The following ZSWIM5 variants were observed in gnomAD, a reference collection of about 807,000 sequenced individuals.
The protein encoded by ZSWIM5 is zinc finger SWIM domain-containing protein 5.
In ZSWIM5, 55 loss-of-function variants were observed where a neutral mutation model predicts 119.6. That is an observed-to-expected ratio of 0.46 (90% CI 0.37 to 0.58). The LOEUF is 0.58. Among genes scored for constraint, ZSWIM5 ranks in the 20% least tolerant of loss-of-function variants. The pLI, the probability that ZSWIM5 is intolerant of heterozygous loss-of-function variation, is 0.00. For missense variants in ZSWIM5, 1,193 were observed against 1,512.8 expected (o/e 0.79, Z 3.51); for synonymous variants, 537 against 606.9 (o/e 0.88, Z 1.69).
intron 11 of ZSWIM5, among the ~76,000 whole-genome samples, chr1:45,024,790 G>A (rs2148987672): frequency 6.6e-6 from 1 of 152,170 alleles, no homozygotes; most frequent in Middle Eastern, 3.4e-3. Context: ...GAGTAGCTGG[G>A]ATTACAGATG....
chr1:45,205,121 T>C (rs545179437), intron 1 of ZSWIM5, among the ~76,000 whole-genome samples: 248 of 151,220 alleles, frequency 1.6e-3, no homozygotes, highest in Non-Finnish European at 2.7e-3. Context: ...CCAGATTGTA[T>C]GGCTTTTTTT....
chr1:45,132,607 AT>A (rs374434514), intron 1 of ZSWIM5, among the ~76,000 whole-genome samples: 3,124 of 151,748 alleles, frequency 0.021, 113 homozygotes, highest in African/African-American at 0.072. Flanking sequence ...CGGGAAAATA[AT>A]TTTTTTTCTT....
intron 1 of ZSWIM5, among the ~76,000 whole-genome samples, chr1:45,111,424 G>A (rs899872349): frequency 1.3e-5 from 2 of 151,986 alleles, no homozygotes; most frequent in Non-Finnish European, 2.9e-5. Flanking sequence ...GTGATGCAAC[G>A]GAATACACTG....
At chr1:45,152,301 C>T (rs189205267) in intron 1 of ZSWIM5, among the ~76,000 whole-genome samples, 7 of 152,238 alleles carry the variant, frequency 4.6e-5, no homozygotes, top group East Asian at 1.9e-4. Flanking sequence ...GAACCAGTTA[C>T]GCAAGTGCAA....
chr1:45,196,334 A>C (rs1001342962), intron 1 of ZSWIM5, among the ~76,000 whole-genome samples: 3 of 146,358 alleles, frequency 2.0e-5, no homozygotes, highest in Admixed American at 1.4e-4. Context: ...GTTTTTTTTT[A>C]ATCTCCCTAG....
chr1:45,176,762 G>A lies in ZSWIM5; in HGVS notation c.595+28994C>T, dbSNP rs1482251512. On this transcript the variant is annotated intron_variant, in intron 1 of 13. Transcript: ENST00000359600. The stretch of plus-strand genomic sequence containing the variant: ...ACCTACTGCTGCCACCCCCTGCTAT[G>A]CCCACTTCACCCCATCTGAACACTA... Among the ~76,000 whole-genome samples the A allele has an allele frequency of 2.0e-5, 3 of 151,962 alleles. No individual in the cohort carries two copies. In the East Asian group the frequency reaches 5.8e-4, roughly 29 times the overall value.
In ZSWIM5 at chr1:45,039,034, T is replaced by G; in HGVS notation, c.1796A>C (p.Glu599Ala). 1 of 1,614,112 alleles carries G rather than the reference T, an allele frequency of 6.2e-7. No individual in the cohort carries two copies. The highest frequency in any genetic ancestry group is 8.5e-7 in the Non-Finnish European group (1 of 1,179,998). Reference sequence around the variant, plus strand: ...ATCCAGGGGGTGGCCCACCCAGCCCTCCAGGTTTGTGATGGTTGTGGTTCC... The same window carrying G: ...ATCCAGGGGGTGGCCCACCCAGCCCGCCAGGTTTGTGATGGTTGTGGTTCC... ...QRGTTTITNL[E>A]GWVGHPLDPI... The change falls in exon 8 of 14, where the codon GAG (glutamate) becomes GCG (alanine). Residue 599 changes from glutamate (E) to alanine (A), a missense_variant. Around this residue, in one of 2 missense-constraint regions of ZSWIM5, gnomAD observed 961 missense variants for 1,290.0 expected, o/e 0.74. Coordinates refer to ENST00000359600, the MANE Select transcript of ZSWIM5 (RefSeq NM_020883.2).
intron 1 of ZSWIM5, among the ~76,000 whole-genome samples, chr1:45,202,265 A>G (rs2149057984): frequency 6.6e-6 from 1 of 152,236 alleles, no homozygotes; most frequent in African/African-American, 2.4e-5. Flanking sequence ...AAAACAAATT[A>G]CATATAAAAA....
At chr1:45,092,378 C>G (rs1645371163) in intron 1 of ZSWIM5, among the ~76,000 whole-genome samples, 1 of 152,044 alleles carries the variant, frequency 6.6e-6, no homozygotes. Flanking sequence ...CTCACTGCAA[C>G]CTCCACCCTC....
At chr1:45,085,609 C>G (rs1645322718) in intron 2 of ZSWIM5, among the ~76,000 whole-genome samples, 1 of 149,804 alleles carries the variant, frequency 6.7e-6, no homozygotes, top group Admixed American at 6.7e-5. Context: ...CACTGCTGCA[C>G]AGAAATTTCT....
chr1:45,161,334 G>A (rs1425799614), intron 1 of ZSWIM5, among the ~76,000 whole-genome samples: 6 of 152,062 alleles, frequency 3.9e-5, no homozygotes, highest in Non-Finnish European at 8.8e-5. Flanking sequence ...TCTCCATACT[G>A]TTTTCAATAG....
At position 45,031,124 on chromosome 1, in the gene ZSWIM5, T is replaced by C. The variant is rs1036056497; in HGVS notation, c.2449+3188A>G. Among the ~76,000 whole-genome samples the C allele has an allele frequency of 4.6e-5, 7 of 151,830 alleles. No individual in the cohort carries two copies. The East Asian group carries it at 1.4e-3, about 29-fold the overall frequency. ...TAATTGATCTTTTCAAAGAATCAGC[T>C]TTTGGTTTCATTGATTATTCTCTAT... On this transcript the variant is annotated intron_variant, in intron 11 of 13. Transcript: ENST00000359600.
intron 1 of ZSWIM5, among the ~76,000 whole-genome samples, chr1:45,187,224 AAGAC>A (rs1646064650): frequency 6.6e-6 from 1 of 152,196 alleles, no homozygotes; most frequent in Admixed American, 6.5e-5. Flanking sequence ...AAGAGTAATA[AAGAC>A]AATGTGATAC....
chr1:45,189,320 AAATAAT>A (rs578114661), intron 1 of ZSWIM5, among the ~76,000 whole-genome samples: 17 of 151,610 alleles, frequency 1.1e-4, no homozygotes, highest in South Asian at 6.3e-4. Context: ...GTCTCAAAGA[AAATAAT>A]AATAATAATA....
Position 45,020,059 on chromosome 1 carries a change from G to A in ZSWIM5, c.2695+7C>T, listed in dbSNP as rs369023712. ...CCCCTGGGGGTAGAGGGAGGTGGGA[G>A]ACTCACCCACTTCTGTAGCACAGGT... On this transcript the variant is annotated splice_region_variant and intron_variant, in intron 13 of 13. Coordinates refer to ENST00000359600, the MANE Select transcript of ZSWIM5 (RefSeq NM_020883.2). 4 of 1,613,492 alleles carry A rather than the reference G, an allele frequency of 2.5e-6. No homozygotes were observed. The African/African-American group carries it at 5.3e-5, about 22-fold the overall frequency.
At chr1:45,149,771 T>A (rs1403144111) in intron 1 of ZSWIM5, among the ~76,000 whole-genome samples, 1 of 152,222 alleles carries the variant, frequency 6.6e-6, no homozygotes, top group African/African-American at 2.4e-5. Flanking sequence ...TATTTCAAGT[T>A]TATCACATTC....
chr1:45,065,218 T>C (rs1645175968), intron 2 of ZSWIM5, among the ~76,000 whole-genome samples: 1 of 152,164 alleles, frequency 6.6e-6, no homozygotes, highest in Non-Finnish European at 1.5e-5. Flanking sequence ...GACTGGGTTG[T>C]TGAGTACCTT....
chr1:45,170,626 G>A (rs1043243135), intron 1 of ZSWIM5, among the ~76,000 whole-genome samples: 3 of 151,216 alleles, frequency 2.0e-5, no homozygotes, highest in African/African-American at 7.3e-5. Context: ...ACAGAGTCTC[G>A]CTATGTTGAC....
rs765104867 is a variant in ZSWIM5, at chr1:45,087,868, G to A, written c.952+13C>T. The A allele has an allele frequency of 1.3e-6, 2 of 1,568,814 alleles. No homozygotes were observed. Among genetic ancestry groups the A allele is most frequent in the South Asian group, 2.4e-5 (2 of 84,682 alleles). On this transcript the variant is annotated intron_variant, in intron 2 of 13. Coordinates refer to ENST00000359600, the MANE Select transcript of ZSWIM5 (RefSeq NM_020883.2). ...AAAGACCTTTTTTTTCAATAAAAAA[G>A]TTGTACAATTACCATTCACTTGGTT...
Sources: allele counts gnomAD v4.1 joint callset (sites outside exome capture counted in the v4.1 genomes callset), GRCh38; gene constraint gnomAD v4.1.1; regional missense constraint gnomAD v4.1.1; transcripts MANE v1.5; gene names NCBI Gene and HGNC (gene_info 2026-07-23, HGNC 2026-07-21).